Variants in AGAP1 observed in about 807,000 individuals in gnomAD.
AGAP1 encodes the protein arf-GAP with GTPase, ANK repeat and PH domain-containing protein 1.
Under a neutral mutation model 105.3 loss-of-function variants are expected in AGAP1, and 29 were observed. That is an observed-to-expected ratio of 0.28 (90% CI 0.21 to 0.38). The LOEUF (loss-of-function observed/expected upper bound fraction) is 0.38. AGAP1 is among the 10% of genes least tolerant of loss of function. The pLI is 1.00. For synonymous variants in AGAP1, 509 were observed against 485.9 expected, an observed-to-expected ratio of 1.05 and a Z score of -0.63; for missense variants, 998 against 1,165.1, an observed-to-expected ratio of 0.86 and a Z score of 2.09.
At position 235,965,022 on chromosome 2, in the gene AGAP1, TG is replaced by T. The variant is rs1440704431; in HGVS notation, c.1484-3439del. Among the ~76,000 whole-genome samples, 6 of 152,300 alleles carry T rather than the reference TG, an allele frequency of 3.9e-5. No individual in the cohort carries two copies. The highest frequency in any genetic ancestry group is 1.2e-4 in the African/African-American group (5 of 41,554). ...CTCTGCAGTTCCACCACAACCAAAC[TG>T]TCATAGTGCAGGCTCAGGGGGTCTC... On this transcript the variant is annotated intron_variant, in intron 12 of 17. Transcript: ENST00000304032. The surrounding 1 kb of genome is among the most constrained non-coding windows in gnomAD (Gnocchi z 5.8).
rs183822550 is a variant in AGAP1 at position 235,595,484 on chromosome 2, T to G, written c.163+100635T>G. Among the ~76,000 whole-genome samples, 4 of 152,352 alleles carry G rather than the reference T, an allele frequency of 2.6e-5. No individual in the cohort carries two copies. The East Asian group carries it at 7.7e-4, about 29-fold the overall frequency. ...GCCTGCTCCTGTGTTTTTGTTCTGA[T>G]AAACACGTATAGCACTTTCAATTAT... On this transcript the variant is annotated intron_variant, in intron 1 of 17. Transcript: ENST00000304032.
At chr2:235,707,370 G>A (rs1239026529) in intron 1 of AGAP1, among the ~76,000 whole-genome samples, 1 of 151,556 alleles carries the variant, frequency 6.6e-6, no homozygotes, top group Non-Finnish European at 1.5e-5. Context: ...GGAGCAGGGA[G>A]TGTTCCTCTG....
chr2:235,537,779 G>A (rs1382899521), intron 1 of AGAP1, among the ~76,000 whole-genome samples: 3 of 152,106 alleles, frequency 2.0e-5, no homozygotes, highest in African/African-American at 4.8e-5. Context: ...CTGAATGATC[G>A]GAAGGACTCA....
chr2:235,574,341 A>G lies in AGAP1; in HGVS notation c.163+79492A>G, dbSNP rs1944666903. Among the ~76,000 whole-genome samples the G allele has an allele frequency of 6.6e-6, 1 of 152,240 alleles. No individual in the cohort carries two copies. Among genetic ancestry groups the G allele is most frequent in the Non-Finnish European group, 1.5e-5 (1 of 68,048 alleles). On this transcript the variant is annotated intron_variant, in intron 1 of 17. Transcript: ENST00000304032. The surrounding 1 kb of genome is among the most constrained non-coding windows in gnomAD (Gnocchi z 5.0). ...TCCCTTACCTTAAGGGAAAGGCCTC[A>G]ATGGATTGATTTAATTGTATGTGTG...
chr2:235,980,963 A>G (rs983500426), intron 13 of AGAP1, among the ~76,000 whole-genome samples: 13 of 152,378 alleles, frequency 8.5e-5, no homozygotes, highest in African/African-American at 3.1e-4. Context: ...GAAAACTGGT[A>G]TAAACCAAGA....
rs1026831837 is a variant in AGAP1, at chr2:235,633,320, G to A, written c.164-75859G>A. 2.6e-5 allele frequency among the ~76,000 whole-genome samples: 4 copies of A among 152,156 alleles called. No individual in the cohort carries two copies. The highest frequency in any genetic ancestry group is 2.1e-4 in the South Asian group (1 of 4,822). On this transcript the variant is annotated intron_variant, in intron 1 of 17. Transcript: ENST00000304032. This position sits in a 1 kb window ranked among gnomAD's most constrained non-coding sequence, Gnocchi z 4.8. Reference sequence around the variant, plus strand: ...CAAATAGGGCATGAGCGGGCCGGGCGTGGTGGCTCATGCCTGTAATCCTAG... The same window carrying A: ...CAAATAGGGCATGAGCGGGCCGGGCATGGTGGCTCATGCCTGTAATCCTAG...
chr2:235,747,573 G>T lies in AGAP1; in HGVS notation c.538+2734G>T, dbSNP rs114003170. Among the ~76,000 whole-genome samples the T allele has an allele frequency of 6.6e-6, 1 of 152,210 alleles. No individual in the cohort carries two copies. The highest frequency in any genetic ancestry group is 2.1e-4 in the South Asian group (1 of 4,834). On this transcript the variant is annotated intron_variant, in intron 5 of 17. Transcript: ENST00000304032. The surrounding 1 kb of genome is among the most constrained non-coding windows in gnomAD (Gnocchi z 5.0). ...ACCAGAACGAAAAGTTGCAATCAGG[G>T]CTGTATTCCTCACCTGCGGGATTCT...
rs901161357 is a variant in AGAP1 at position 235,883,872 on chromosome 2, G to C, written c.1155+423G>C. ...TAATCAGAAGTCAAATGCAATTCATGACTCAGCTTTTATTGTCAGATAACA... is the reference window on the plus strand; with the variant it reads ...TAATCAGAAGTCAAATGCAATTCATCACTCAGCTTTTATTGTCAGATAACA... On this transcript the variant is annotated intron_variant, in intron 10 of 17. Coordinates refer to ENST00000304032, the MANE Select transcript of AGAP1 (RefSeq NM_001037131.3). The surrounding 1 kb of genome is among the most constrained non-coding windows in gnomAD (Gnocchi z 4.5). 1.4e-4 allele frequency among the ~76,000 whole-genome samples: 22 copies of C among 152,180 alleles called. No individual in the cohort carries two copies. Among genetic ancestry groups the C allele is most frequent in the African/African-American group, 5.1e-4 (21 of 41,444 alleles).
At chr2:235,910,630 T>C (rs2051560614) in intron 11 of AGAP1, among the ~76,000 whole-genome samples, 1 of 152,112 alleles carries the variant, frequency 6.6e-6, no homozygotes, top group East Asian at 1.9e-4. Context: ...TCAAAAAATA[T>C]CTATAGGCCA....
At position 235,908,764 on chromosome 2, in the gene AGAP1, G is replaced by A. The variant is rs1374263735; in HGVS notation, c.1182G>A (p.Lys394=). 6.1e-5 allele frequency: 98 copies of A among 1,613,256 alleles called. 3 individuals carry two copies. In the Admixed American group the frequency reaches 1.3e-3, roughly 22 times the overall value. ...LHDYMQNVHG[K]EIDLLRTTVK... is the part of the protein sequence containing the mutation. Reference sequence around the variant, plus strand: ...ATTACATGCAGAATGTTCATGGTAAGGAGATTGACCTTCTGAGAACCACTG... The same window carrying A: ...ATTACATGCAGAATGTTCATGGTAAAGAGATTGACCTTCTGAGAACCACTG... The change falls in exon 11 of 18, where the codon AAG becomes AAA. Residue 394 remains lysine, a synonymous_variant. Transcript: ENST00000304032. This position sits in a 1 kb window ranked among gnomAD's most constrained non-coding sequence, Gnocchi z 4.4.
At chr2:235,538,427 A>G (rs558934546) in intron 1 of AGAP1, among the ~76,000 whole-genome samples, 1,961 of 135,418 alleles carry the variant, frequency 0.014, 17 homozygotes, top group Non-Finnish European at 0.02. Context: ...CTCAGCCACT[A>G]TGTGTGTGTG....
intron 15 of AGAP1, among the ~76,000 whole-genome samples, chr2:236,047,419 G>A (rs536814487): frequency 6.6e-6 from 1 of 151,954 alleles, no homozygotes; most frequent in African/African-American, 2.4e-5. Flanking sequence ...GGCCTCCTCT[G>A]TGTCCCCGCT....
rs771842416 is a variant in AGAP1 at position 235,689,591 on chromosome 2, T to A, written c.164-19588T>A. Among the ~76,000 whole-genome samples the A allele has an allele frequency of 6.6e-6, 1 of 152,244 alleles. No individual in the cohort carries two copies. Among genetic ancestry groups the A allele is most frequent in the Non-Finnish European group, 1.5e-5 (1 of 68,040 alleles). On this transcript the variant is annotated intron_variant, in intron 1 of 17. Coordinates refer to ENST00000304032, the MANE Select transcript of AGAP1 (RefSeq NM_001037131.3). The surrounding 1 kb of genome is among the most constrained non-coding windows in gnomAD (Gnocchi z 4.2). ...CAACTCCCCTCTTGTTTTCATTGTTTCAGGCAAATAATTTCTGATGGACAC... is the reference window on the plus strand; with the variant it reads ...CAACTCCCCTCTTGTTTTCATTGTTACAGGCAAATAATTTCTGATGGACAC...
At chr2:235,543,933 G>A (rs935247322) in intron 1 of AGAP1, among the ~76,000 whole-genome samples, 5 of 152,030 alleles carry the variant, frequency 3.3e-5, no homozygotes, top group East Asian at 1.9e-4. Flanking sequence ...AAGGGCTTGC[G>A]GCAGATAGGA....
At position 235,842,577 on chromosome 2, in the gene AGAP1, A is replaced by G. The variant is rs77806711; in HGVS notation, c.1050+35246A>G. 0.064 allele frequency among the ~76,000 whole-genome samples: 9,713 copies of G among 152,170 alleles called. 1,004 individuals carry two copies. Among genetic ancestry groups the G allele is most frequent in the African/African-American group, 0.22 (9,024 of 41,476 alleles). On this transcript the variant is annotated intron_variant, in intron 9 of 17. Transcript: ENST00000304032. The surrounding 1 kb of genome is among the most constrained non-coding windows in gnomAD (Gnocchi z 5.3). ...ATATGATTGGTTCTTTTGTAATCCT[A>G]TGAATTTAAACCTAATACTTTGAGA...
At chr2:235,585,317 C>T (rs904847784) in intron 1 of AGAP1, among the ~76,000 whole-genome samples, 1 of 152,172 alleles carries the variant, frequency 6.6e-6, no homozygotes, top group Non-Finnish European at 1.5e-5. Context: ...CTGGCCTTAG[C>T]TCTGTATCCC....
chr2:235,570,136 C>T (rs541705722), intron 1 of AGAP1, among the ~76,000 whole-genome samples: 46 of 151,840 alleles, frequency 3.0e-4, no homozygotes, highest in African/African-American at 1.1e-3. Context: ...CAGGCTTCCC[C>T]CTAGCCTTTG....
rs917786165 is a variant in AGAP1 at position 235,535,649 on chromosome 2, C to G, written c.163+40800C>G. On this transcript the variant is annotated intron_variant, in intron 1 of 17. Coordinates refer to ENST00000304032, the MANE Select transcript of AGAP1 (RefSeq NM_001037131.3). The surrounding 1 kb of genome is among the most constrained non-coding windows in gnomAD (Gnocchi z 5.1). Reference sequence around the variant, plus strand: ...CTGTGCCAGGCACCCGCGTCGCGCTCCAGCTCCAGCCCTTTAATGCTCTTT... The same window carrying G: ...CTGTGCCAGGCACCCGCGTCGCGCTGCAGCTCCAGCCCTTTAATGCTCTTT... Among the ~76,000 whole-genome samples, 1 of 152,126 alleles carries G rather than the reference C, an allele frequency of 6.6e-6. No homozygotes were observed. The highest frequency in any genetic ancestry group is 1.5e-5 in the Non-Finnish European group (1 of 68,028).
chr2:235,558,909 G>A (rs888813349), intron 1 of AGAP1, among the ~76,000 whole-genome samples: 2 of 151,990 alleles, frequency 1.3e-5, no homozygotes, highest in Non-Finnish European at 2.9e-5. Context: ...GAAAAAAAAA[G>A]TTCATTACAC....
Sources: gnomAD v4.1 joint callset for allele counts (sites outside exome capture counted in the v4.1 genomes callset) on GRCh38, gnomAD v4.1.1 for gene constraint, Gnocchi (gnomAD v3.1) non-coding constraint, MANE v1.5 for transcripts, NCBI Gene and HGNC (gene_info 2026-07-23, HGNC 2026-07-21) for gene names.